Variants in PEBP4 observed in about 807,000 individuals in gnomAD.
PEBP4 encodes the protein phosphatidylethanolamine-binding protein 4.
A neutral mutation model predicts 23.9 loss-of-function variants in PEBP4; 22 were observed. That is an observed-to-expected ratio of 0.92 (90% CI 0.66 to 1.31). PEBP4 has a LOEUF of 1.31. PEBP4 is among the 40% of genes most tolerant of loss of function. The pLI is 0.00. For synonymous variants in PEBP4, 112 were observed against 99.3 expected, an observed-to-expected ratio of 1.13 and a Z score of -0.76; for missense variants, 324 against 281.7, an observed-to-expected ratio of 1.15 and a Z score of -1.07.
chr8:22,839,766 C>T (rs567898500), intron 3 of PEBP4, among the ~76,000 whole-genome samples: 12 of 152,236 alleles, frequency 7.9e-5, no homozygotes, highest in South Asian at 2.1e-4. Context: ...TGATTTGTTC[C>T]GGTTCCTTCC....
intron 6 of PEBP4, among the ~76,000 whole-genome samples, chr8:22,716,275 G>A (rs758445574): frequency 2.6e-5 from 4 of 152,202 alleles, no homozygotes; most frequent in African/African-American, 4.8e-5. Flanking sequence ...ATCCTGCATA[G>A]CCAGATGCAG....
rs1356375930 is a variant in PEBP4 at position 22,729,250 on chromosome 8, C to A, written c.358-2030G>T. ...CTACAGAGCTCTTCTGCCACCCGAG[C>A]AAGATGGAGAGTTCTAGGGCTGAGC... is the stretch of plus-strand genomic sequence containing the variant. On this transcript the variant is annotated intron_variant, in intron 4 of 6. Coordinates refer to ENST00000256404, the MANE Select transcript of PEBP4 (RefSeq NM_144962.3). Among the ~76,000 whole-genome samples, 3 of 152,258 alleles carry A rather than the reference C, an allele frequency of 2.0e-5. No individual in the cohort carries two copies. The South Asian group carries it at 6.2e-4, about 31-fold the overall frequency.
chr8:22,909,267 G>A (rs1808884335), intron 3 of PEBP4, among the ~76,000 whole-genome samples: 1 of 152,192 alleles, frequency 6.6e-6, no homozygotes, highest in Admixed American at 6.5e-5. Flanking sequence ...CGTGGGTCCA[G>A]GGTCCTTCTC....
At chr8:22,909,256 A>G (rs1374818383) in intron 3 of PEBP4, among the ~76,000 whole-genome samples, 1 of 152,020 alleles carries the variant, frequency 6.6e-6, no homozygotes, top group Non-Finnish European at 1.5e-5. Flanking sequence ...CACACCTAAG[A>G]CGTGGGTCCA....
intron 3 of PEBP4, among the ~76,000 whole-genome samples, chr8:22,874,039 C>T (rs373803047): frequency 3.8e-4 from 58 of 152,244 alleles, no homozygotes; most frequent in African/African-American, 1.3e-3. Context: ...TTCCAGGTCT[C>T]GACATCTTGG....
chr8:22,836,512 C>T (rs767954222), intron 3 of PEBP4, among the ~76,000 whole-genome samples: 1 of 152,252 alleles, frequency 6.6e-6, no homozygotes, highest in Admixed American at 6.5e-5. Context: ...GAATCAAGTG[C>T]CTTCTGCCAC....
chr8:22,769,093 G>T (rs554997949), intron 4 of PEBP4, among the ~76,000 whole-genome samples: 44 of 152,266 alleles, frequency 2.9e-4, no homozygotes, highest in Middle Eastern at 6.8e-3. Context: ...CCCCAGGGAC[G>T]ATCTCCTTCC....
At chr8:22,818,983 G>A (rs1806802151) in intron 3 of PEBP4, among the ~76,000 whole-genome samples, 2 of 152,176 alleles carry the variant, frequency 1.3e-5, no homozygotes, top group Admixed American at 1.3e-4. Flanking sequence ...CTGTTTGAAG[G>A]TGGACATTCA....
chr8:22,769,009 AT>A (rs1192504741), intron 4 of PEBP4, among the ~76,000 whole-genome samples: 1 of 152,116 alleles, frequency 6.6e-6, no homozygotes, highest in Non-Finnish European at 1.5e-5. Flanking sequence ...ATTTGTGGAC[AT>A]TTGGGAAGTG....
At chr8:22,767,288 G>A (rs752553621) in intron 4 of PEBP4, among the ~76,000 whole-genome samples, 1 of 152,200 alleles carries the variant, frequency 6.6e-6, no homozygotes, top group Non-Finnish European at 1.5e-5. Flanking sequence ...GCTGTGACAC[G>A]CTGGTGTGGG....
chr8:22,878,219 A>AGGGGGAGAGGGAGGGGGAGAGGGG (rs1808167262), intron 3 of PEBP4: 1 of 101,874 alleles, frequency 9.8e-6, no homozygotes, highest in Non-Finnish European at 2.2e-5. Flanking sequence ...ATGGAGAGGG[A>AGGGGGAGAGGGAGGGGGAGAGGGG]GGGGGAGAGG....
At chr8:22,812,503 C>T (rs1357748518) in intron 4 of PEBP4, among the ~76,000 whole-genome samples, 3 of 152,190 alleles carry the variant, frequency 2.0e-5, no homozygotes, top group Non-Finnish European at 4.4e-5. Context: ...GCTGAACCTA[C>T]ATGTTAGGAA....
At chr8:22,888,556 T>G (rs2457427) in intron 3 of PEBP4, among the ~76,000 whole-genome samples, 1 of 152,138 alleles carries the variant, frequency 6.6e-6, no homozygotes, top group South Asian at 2.1e-4. Flanking sequence ...TGGCCAGGCT[T>G]CTGGAGCCCT....
intron 3 of PEBP4, among the ~76,000 whole-genome samples, 166 bp downstream of exon 3, chr8:22,920,018 A>C (rs926290193): frequency 3.1e-4 from 47 of 152,114 alleles, no homozygotes; most frequent in Non-Finnish European, 5.9e-5. Flanking sequence ...CTTCTCCTCA[A>C]GTCCACTCTA....
chr8:22,841,841 A>C (rs1291116428), intron 3 of PEBP4, among the ~76,000 whole-genome samples: 2 of 152,272 alleles, frequency 1.3e-5, no homozygotes, highest in African/African-American at 4.8e-5. Flanking sequence ...ACTGGGAAGG[A>C]AACACACATA....
At chr8:22,781,703 C>T (rs549003835) in intron 4 of PEBP4, among the ~76,000 whole-genome samples, 1 of 152,338 alleles carries the variant, frequency 6.6e-6, no homozygotes, top group South Asian at 2.1e-4. Flanking sequence ...AAACCAGACT[C>T]CTTGCCTGGC....
At chr8:22,863,558 G>GT (rs1807823867) in intron 3 of PEBP4, among the ~76,000 whole-genome samples, 5 of 152,168 alleles carry the variant, frequency 3.3e-5, no homozygotes, top group Admixed American at 3.3e-4. Context: ...TTAGGGTCCT[G>GT]CCTCCCTGCA....
chr8:22,856,519 C>A (rs996656941), intron 3 of PEBP4, among the ~76,000 whole-genome samples: 2 of 152,162 alleles, frequency 1.3e-5, no homozygotes, highest in African/African-American at 4.8e-5. Flanking sequence ...GAGCTCGAGA[C>A]GGGCCAGGCC....
At chr8:22,722,400 T>G (rs1023228944) in intron 6 of PEBP4, among the ~76,000 whole-genome samples, 7 of 152,258 alleles carry the variant, frequency 4.6e-5, no homozygotes, top group Non-Finnish European at 7.4e-5. Context: ...AAAGTGAAAC[T>G]ACTAACTAGA....
Sources: allele counts gnomAD v4.1 joint callset (sites outside exome capture counted in the v4.1 genomes callset), GRCh38; gene constraint gnomAD v4.1.1; transcripts MANE v1.5; gene names NCBI Gene and HGNC (gene_info 2026-07-23, HGNC 2026-07-21).